SRFBP1: variants seen among roughly 807,000 people sequenced by gnomAD.
SRFBP1 encodes serum response factor binding protein 1, also known as serum response factor-binding protein 1.
A neutral mutation model predicts 45.5 loss-of-function variants in SRFBP1; 47 were observed. The ratio of observed to expected loss-of-function variants is 1.03; its 90% CI spans 0.82 to 1.32. The LOEUF (loss-of-function observed/expected upper bound fraction) is 1.32, where lower values mean the gene tolerates loss of function less well. Among genes scored for constraint, SRFBP1 ranks in the 40% most tolerant of loss-of-function variants. SRFBP1 has a pLI of 0.00. For missense variants in SRFBP1, 621 were observed against 484.6 expected, an observed-to-expected ratio of 1.28 and a Z score of -2.64; for synonymous variants, 203 against 166.3, an observed-to-expected ratio of 1.22 and a Z score of -1.70.
At chr5:122,008,570 T>C (rs1753024673) in intron 4 of SRFBP1, among the ~76,000 whole-genome samples, 1 of 152,100 alleles carries the variant, frequency 6.6e-6, no homozygotes, top group Admixed American at 6.5e-5. Context: ...AATGTGTTTT[T>C]GTTGTTGTTG....
chr5:122,008,842 A>C (rs914168456), intron 4 of SRFBP1, among the ~76,000 whole-genome samples: 1 of 152,228 alleles, frequency 6.6e-6, no homozygotes, highest in Non-Finnish European at 1.5e-5. Context: ...TTCAGAAACT[A>C]GGACCAAAAA....
At position 121,962,046 on chromosome 5, in the gene SRFBP1, G is replaced by A. The variant is rs376455213; in HGVS notation, c.14G>A (p.Gly5Glu). 5.0e-6 allele frequency: 8 copies of A among 1,613,994 alleles called. No homozygotes were observed. The highest frequency in any genetic ancestry group is 5.9e-6 in the Non-Finnish European group (7 of 1,180,050). The part of the protein sequence containing the change: MAQP[G>E]TLNLNNEVVK... Reference sequence around the variant, plus strand: ...CCTTCATCTACCATGGCTCAGCCGGGAACTCTGAACCTCAATAACGAGGTG... The same window carrying A: ...CCTTCATCTACCATGGCTCAGCCGGAAACTCTGAACCTCAATAACGAGGTG... The change falls in exon 1 of 8, where the codon GGA becomes GAA. Residue 5 changes from glycine (G) to glutamate (E), a missense_variant. Coordinates refer to ENST00000339397, the MANE Select transcript of SRFBP1 (RefSeq NM_152546.3).
rs76466397 is a variant in SRFBP1 at position 121,980,774 on chromosome 5, G to T, written c.198+5387G>T. Among the ~76,000 whole-genome samples, 1,258 of 152,220 alleles carry T rather than the reference G, an allele frequency of 8.3e-3. 13 individuals are homozygous for T. The highest frequency in any genetic ancestry group is 0.011 in the Non-Finnish European group (745 of 67,974). ...TAACTTTAAACTATGTTTCTTAGCAGTTCCAGTCTCAGTTTACATCTTTTG... is the reference window on the plus strand; with the variant it reads ...TAACTTTAAACTATGTTTCTTAGCATTTCCAGTCTCAGTTTACATCTTTTG... On this transcript the variant is annotated intron_variant, in intron 3 of 7. Coordinates refer to ENST00000339397, the MANE Select transcript of SRFBP1 (RefSeq NM_152546.3).
intron 3 of SRFBP1, among the ~76,000 whole-genome samples, chr5:121,979,133 G>T (rs1752359126): frequency 1.3e-5 from 2 of 152,134 alleles, no homozygotes; most frequent in African/African-American, 4.8e-5. Flanking sequence ...TAAAAGTTAA[G>T]TAAAATGATA....
At chr5:121,962,418 C>T (rs970682525) in intron 1 of SRFBP1, among the ~76,000 whole-genome samples, 2 of 152,166 alleles carry the variant, frequency 1.3e-5, no homozygotes, top group Admixed American at 6.5e-5. Flanking sequence ...AAGTGCCTGA[C>T]CCTTAATAAA....
chr5:122,045,297 C>T lies in SRFBP1; in HGVS notation n.311+22890C>T, dbSNP rs186747749. On this transcript the variant is annotated intron_variant and non_coding_transcript_variant, in intron 2 of 2. Transcript: ENST00000504881. ...TTGAAGTCAGGTAGTGTGATGCCTC[C>T]GTCTTTGTTCTTTTTGTTTAAGATT... 4.3e-3 allele frequency among the ~76,000 whole-genome samples: 655 copies of T among 152,174 alleles called. 4 individuals are homozygous for T. The highest frequency in any genetic ancestry group is 6.4e-3 in the Non-Finnish European group (434 of 68,004).
At chr5:121,962,149 A>G in intron 1 of SRFBP1, 81 bp downstream of exon 1, 1 of 1,568,520 alleles carries the variant, frequency 6.4e-7, no homozygotes, top group South Asian at 1.1e-5. Flanking sequence ...GGAGGCGGGC[A>G]TAGAGGGTGC....
chr5:122,053,649 C>G (rs1489483053), intron 2 of SRFBP1, among the ~76,000 whole-genome samples: 1 of 152,054 alleles, frequency 6.6e-6, no homozygotes, highest in Non-Finnish European at 1.5e-5. Context: ...GCTGGAAGCT[C>G]TAGCAGGTGT....
chr5:122,007,123 C>T (rs1237221943), intron 4 of SRFBP1, among the ~76,000 whole-genome samples: 1 of 152,068 alleles, frequency 6.6e-6, no homozygotes, highest in African/African-American at 2.4e-5. Flanking sequence ...TGAGGGCAGG[C>T]TTGCTGCTGG....
intron 7 of SRFBP1, 36 bp from the exon 8 acceptor site, chr5:122,026,906 T>C (rs377338329): frequency 7.0e-5 from 100 of 1,427,676 alleles, no homozygotes; most frequent in Middle Eastern, 5.4e-4. Flanking sequence ...GCTCTTTAAG[T>C]ATATAGTTAT....
At chr5:122,054,112 G>A (rs2152578807) in intron 2 of SRFBP1, among the ~76,000 whole-genome samples, 1 of 152,288 alleles carries the variant, frequency 6.6e-6, no homozygotes, top group African/African-American at 2.4e-5. Flanking sequence ...GGGCTATTAA[G>A]CTGATACTGA....
intron 3 of SRFBP1, among the ~76,000 whole-genome samples, chr5:121,988,824 T>A (rs1214675897): frequency 6.6e-6 from 1 of 152,120 alleles, no homozygotes; most frequent in Non-Finnish European, 1.5e-5. Flanking sequence ...ATGTACAGAG[T>A]TGAGCAACCT....
At chr5:122,073,508 A>G (rs1754514636) in intron 2 of SRFBP1, among the ~76,000 whole-genome samples, 1 of 152,226 alleles carries the variant, frequency 6.6e-6, no homozygotes, top group African/African-American at 2.4e-5. Context: ...TATTTTCAGC[A>G]TAAAACAGAA....
chr5:121,966,414 C>G (rs1752068066), intron 1 of SRFBP1, among the ~76,000 whole-genome samples: 1 of 152,188 alleles, frequency 6.6e-6, no homozygotes, highest in African/African-American at 2.4e-5. Flanking sequence ...ACCTCCAGCA[C>G]AGTACCTTGT....
At chr5:121,993,278 T>C (rs930314983) in intron 3 of SRFBP1, among the ~76,000 whole-genome samples, 2 of 152,138 alleles carry the variant, frequency 1.3e-5, no homozygotes, top group Admixed American at 6.6e-5. Flanking sequence ...AAAACATATG[T>C]ATATATTCCT....
chr5:122,078,155 C>T (rs1238167710), downstream of SRFBP1: 10 of 545,062 alleles, frequency 1.8e-5, no homozygotes, highest in Admixed American at 2.2e-4. Context: ...AGACCCTTCC[C>T]CAGTCAAGGC....
intron 3 of SRFBP1, among the ~76,000 whole-genome samples, chr5:121,994,363 T>G (rs1752675264): frequency 6.6e-6 from 1 of 151,978 alleles, no homozygotes; most frequent in Non-Finnish European, 1.5e-5. Context: ...TAGAGTTAGG[T>G]TTTGCTTTGA....
chr5:121,976,005 G>T (rs1752295496), intron 3 of SRFBP1, among the ~76,000 whole-genome samples: 1 of 151,710 alleles, frequency 6.6e-6, no homozygotes, highest in South Asian at 2.1e-4. Flanking sequence ...TTTTACTGTA[G>T]AACTTAAAAA....
rs368489908 is a variant in SRFBP1, at chr5:122,059,964, G to T, written n.312-15351G>T. ...TCTTGCTCTTATTCTTTTTCTGTTT[G>T]CCTTGACCCTCCTTTTTGGAACTCC... On this transcript the variant is annotated intron_variant and non_coding_transcript_variant, in intron 2 of 2. Coordinates refer to the SRFBP1 transcript ENST00000504881. Among the ~76,000 whole-genome samples, 12 of 152,154 alleles carry T rather than the reference G, an allele frequency of 7.9e-5. No individual in the cohort carries two copies. The South Asian group carries it at 1.7e-3, about 21-fold the overall frequency.
Sources: allele counts gnomAD v4.1 joint callset (sites outside exome capture counted in the v4.1 genomes callset), GRCh38; gene constraint gnomAD v4.1.1; transcripts MANE v1.5; gene names NCBI Gene and HGNC (gene_info 2026-07-23, HGNC 2026-07-21).